DGKH: variants seen among roughly 807,000 people sequenced by gnomAD.
The protein encoded by DGKH is diacylglycerol kinase eta.
DGKH carries 90 observed loss-of-function variants against 159.3 expected under a neutral mutation model. The observed-to-expected ratio is 0.57, with a 90% CI of 0.48 to 0.67. The LOEUF (loss-of-function observed/expected upper bound fraction) is 0.67. DGKH is among the 30% of genes least tolerant of loss of function. DGKH has a pLI of 0.00. For synonymous variants in DGKH, 536 were observed against 553.8 expected (o/e 0.97, Z 0.45); for missense variants, 1,181 against 1,506.1 (o/e 0.78, Z 3.57).
At chr13:42,132,833 A>G (rs1367229491) in intron 3 of DGKH, among the ~76,000 whole-genome samples, 1 of 152,120 alleles carries the variant, frequency 6.6e-6, no homozygotes, top group Non-Finnish European at 1.5e-5. Context: ...CTAGTGAGCC[A>G]TGATCCCAGC....
chr13:42,235,256 A>T lies in DGKH; in HGVS notation c.*6068A>T, dbSNP rs1356975878. Reference sequence around the variant, plus strand: ...ATTTACATTATTTATATACTCTCTTAGTTTTTTATGCACTTCCAAGTTTTA... The same window carrying T: ...ATTTACATTATTTATATACTCTCTTTGTTTTTTATGCACTTCCAAGTTTTA... On this transcript the variant is annotated 3_prime_UTR_variant, in exon 30 of 30. Transcript: ENST00000337343. 2.0e-5 allele frequency: 3 copies of T among 152,138 alleles called. No homozygotes were observed. In the East Asian group the frequency reaches 5.8e-4, roughly 29 times the overall value. 9.4% of individuals were successfully genotyped at this position (152,138 alleles called of 1,614,324 possible). A position where few individuals can be genotyped will look rare whatever the true frequency, so the allele number is the denominator to read the frequency against.
At chr13:42,100,467 G>A (rs1340751397) in intron 1 of DGKH, among the ~76,000 whole-genome samples, 1 of 151,974 alleles carries the variant, frequency 6.6e-6, no homozygotes, top group Non-Finnish European at 1.5e-5. Flanking sequence ...CCCGATCCAT[G>A]GAAAAACTGT....
chr13:42,070,139 T>C, intron 1 of DGKH: 1 of 924,118 alleles, frequency 1.1e-6, no homozygotes. Flanking sequence ...AAAGAACATA[T>C]GCTCATGTAA....
intron 3 of DGKH, among the ~76,000 whole-genome samples, chr13:42,131,424 G>A (rs1955288105): frequency 6.6e-6 from 1 of 152,202 alleles, no homozygotes; most frequent in Admixed American, 6.5e-5. Flanking sequence ...CAGGTTAAGA[G>A]ATCAGCATTG....
chr13:42,065,490 A>C (rs1029048362), intron 1 of DGKH, among the ~76,000 whole-genome samples: 2 of 152,138 alleles, frequency 1.3e-5, no homozygotes, highest in Non-Finnish European at 2.9e-5. Context: ...TGTTGGATCA[A>C]CTCCTTCATT....
rs144062785 is a variant in DGKH at position 42,132,414 on chromosome 13, A to C, written c.384+2782A>C. On this transcript the variant is annotated intron_variant, in intron 3 of 29. Coordinates refer to ENST00000337343, the MANE Select transcript of DGKH (RefSeq NM_178009.5). ...GAATTTTGTATCCTTTAAGAGTTTA[A>C]TCTGAAAGAGGGTTTCAGAATTTAA... Among the ~76,000 whole-genome samples, 37 of 152,292 alleles carry C rather than the reference A, an allele frequency of 2.4e-4. No individual in the cohort carries two copies. The East Asian group carries it at 6.9e-3, about 29-fold the overall frequency.
intron 21 of DGKH, among the ~76,000 whole-genome samples, chr13:42,206,813 A>G (rs1473458889): frequency 6.6e-6 from 1 of 151,946 alleles, no homozygotes; most frequent in Admixed American, 6.6e-5. Flanking sequence ...ATCACCCAGG[A>G]TCATCCCCAT....
intron 20 of DGKH, among the ~76,000 whole-genome samples, chr13:42,205,146 A>G (rs192941857): frequency 4.6e-5 from 7 of 152,310 alleles, no homozygotes; most frequent in Admixed American, 3.9e-4. Flanking sequence ...GAAGGCTTAA[A>G]CATTTCCATT....
chr13:42,126,289 GA>G (rs1955171341), intron 1 of DGKH, among the ~76,000 whole-genome samples: 1 of 152,176 alleles, frequency 6.6e-6, no homozygotes, highest in African/African-American at 2.4e-5. Context: ...CAGGATGGGG[GA>G]AAATATGGTG....
At chr13:42,162,195 T>G (rs934583847) in intron 7 of DGKH, among the ~76,000 whole-genome samples, 1 of 152,172 alleles carries the variant, frequency 6.6e-6, no homozygotes, top group African/African-American at 2.4e-5. Flanking sequence ...TTTGCCTGTT[T>G]ACATATTATT....
chr13:42,087,857 G>T (rs1309899785), intron 1 of DGKH, among the ~76,000 whole-genome samples: 1 of 151,028 alleles, frequency 6.6e-6, no homozygotes, highest in Non-Finnish European at 1.5e-5. Flanking sequence ...ATTTGAGGAA[G>T]TAATGGCCAC....
intron 1 of DGKH, among the ~76,000 whole-genome samples, chr13:42,057,216 A>T (rs2137657143): frequency 6.6e-6 from 1 of 152,318 alleles, no homozygotes; most frequent in African/African-American, 2.4e-5. Flanking sequence ...GTCATGGTAT[A>T]GTGTTAAAAA....
chr13:42,243,929 G>C (rs887746761), downstream of DGKH, among the ~76,000 whole-genome samples: 1 of 152,172 alleles, frequency 6.6e-6, no homozygotes, highest in Non-Finnish European at 1.5e-5. Flanking sequence ...TATGAAAGAA[G>C]TTTGAGTGAG....
intron 20 of DGKH, among the ~76,000 whole-genome samples, chr13:42,200,901 C>G (rs1957331581): frequency 6.6e-6 from 1 of 152,138 alleles, no homozygotes; most frequent in Admixed American, 6.5e-5. Context: ...CCTTGACACC[C>G]CATACCCAGG....
At chr13:42,154,474 A>C (rs902210978) in intron 3 of DGKH, among the ~76,000 whole-genome samples, 17 of 152,202 alleles carry the variant, frequency 1.1e-4, no homozygotes, top group African/African-American at 4.1e-4. Flanking sequence ...GAGAGTGTGA[A>C]GTTTTCATTC....
Position 42,199,643 on chromosome 13 carries a change from A to G in DGKH, c.2363A>G (p.Asn788Ser). Reference sequence around the variant, plus strand: ...GATGCAAAAATTTCATTAGAATTTAATAATAAAAGAGAGGAGCACCCTGAA... The same window carrying G: ...GATGCAAAAATTTCATTAGAATTTAGTAATAAAAGAGAGGAGCACCCTGAA... ...GLDAKISLEF[N>S]NKREEHPEKC... The change falls in exon 19 of 30, where the codon AAT becomes AGT. Residue 788 changes from asparagine to serine, a missense_variant. This residue lies in a region of DGKH where 335 missense variants were observed against 495.2 expected (regional missense o/e 0.68). Coordinates refer to ENST00000337343, the MANE Select transcript of DGKH (RefSeq NM_178009.5). 2 of 1,605,190 alleles carry G rather than the reference A, an allele frequency of 1.2e-6. No individual in the cohort carries two copies. Among genetic ancestry groups the G allele is most frequent in the Non-Finnish European group, 1.7e-6 (2 of 1,177,160 alleles).
Position 42,233,412 on chromosome 13 carries a change from T to C in DGKH, c.*4224T>C, listed in dbSNP as rs551787118. On this transcript the variant is annotated 3_prime_UTR_variant, in exon 30 of 30. Transcript: ENST00000337343. ...GCAAAATTTCTCAAACGATTAGCACTGGCCTACATCCATTTTATCCTTCCT... is the reference window on the plus strand; with the variant it reads ...GCAAAATTTCTCAAACGATTAGCACCGGCCTACATCCATTTTATCCTTCCT... 1 of 152,344 alleles carries C rather than the reference T, an allele frequency of 6.6e-6. No homozygotes were observed. The highest frequency in any genetic ancestry group is 1.9e-4 in the East Asian group (1 of 5,188). The allele number at this position is 152,344 out of a possible 1,614,324, so 9.4% of individuals were successfully genotyped here. A position where few individuals can be genotyped will look rare whatever the true frequency, so the allele number is the denominator to read the frequency against.
chr13:42,129,488 T>C, intron 2 of DGKH, 64 bp from the exon 3 acceptor site: 1 of 1,330,588 alleles, frequency 7.5e-7, no homozygotes, highest in East Asian at 2.5e-5. Flanking sequence ...ATTGAAAAAA[T>C]GTATTGAAGA....
rs547136896 is a variant in DGKH at position 42,200,122 on chromosome 13, G to A, written c.2493+213G>A. Among the ~76,000 whole-genome samples, 13 of 152,256 alleles carry A rather than the reference G, an allele frequency of 8.5e-5. No individual in the cohort carries two copies. The East Asian group carries it at 1.9e-3, about 23-fold the overall frequency. On this transcript the variant is annotated intron_variant, in intron 20 of 29. Coordinates refer to ENST00000337343, the MANE Select transcript of DGKH (RefSeq NM_178009.5). ...ATCATCATCATTATCTCCTGAAATT[G>A]GGGCTACTCTGGAGTTGTGGTGCCC...
Sources: gnomAD v4.1 joint callset for allele counts (sites outside exome capture counted in the v4.1 genomes callset) on GRCh38, gnomAD v4.1.1 for gene constraint, gnomAD v4.1.1 regional missense constraint, MANE v1.5 for transcripts, NCBI Gene and HGNC (gene_info 2026-07-23, HGNC 2026-07-21) for gene names.